The following STARD13 variants were observed in gnomAD, a reference collection of about 807,000 sequenced individuals.
The protein encoded by STARD13 is stAR-related lipid transfer protein 13.
A neutral mutation model predicts 106.4 loss-of-function variants in STARD13; 62 were observed. The observed-to-expected ratio is 0.58, with a 90% CI of 0.48 to 0.72. The LOEUF is 0.72. Among genes scored for constraint, STARD13 ranks in the 30% least tolerant of loss-of-function variants. The pLI, the probability that STARD13 is intolerant of heterozygous loss-of-function variation, is 0.00. For synonymous variants in STARD13, 565 were observed against 553.0 expected, an observed-to-expected ratio of 1.02 and a Z score of -0.31; for missense variants, 1,387 against 1,424.0, an observed-to-expected ratio of 0.97 and a Z score of 0.42.
the STARD13 span, among the ~76,000 whole-genome samples, chr13:33,593,548 T>C: frequency 9.3e-4 from 141 of 152,314 alleles, 1 homozygote; most frequent in East Asian, 9.6e-4. Flanking sequence ...CGAGACTCTC[T>C]TTTCTGGAAT....
At chr13:33,449,528 A>C in the STARD13 span, among the ~76,000 whole-genome samples, 36 of 152,146 alleles carry the variant, frequency 2.4e-4, no homozygotes, top group Middle Eastern at 6.3e-3. Flanking sequence ...TTTTGAAGTC[A>C]GGTAGTCTAA....
intron 1 of STARD13, among the ~76,000 whole-genome samples, chr13:33,195,161 A>C (rs1015596840): frequency 6.6e-6 from 1 of 152,246 alleles, no homozygotes; most frequent in Non-Finnish European, 1.5e-5. Context: ...ATCAATGACC[A>C]ACAATTAAAA....
At chr13:33,411,488 G>T in the STARD13 span, among the ~76,000 whole-genome samples, 1 of 151,986 alleles carries the variant, frequency 6.6e-6, no homozygotes, top group East Asian at 1.9e-4. Context: ...ATCCAGGCAG[G>T]CTGCTCTGTG....
At chr13:33,261,867 C>T (rs1890654826) in intron 1 of STARD13, among the ~76,000 whole-genome samples, 1 of 152,148 alleles carries the variant, frequency 6.6e-6, no homozygotes, top group Admixed American at 6.5e-5. Flanking sequence ...ACAGTTAAAA[C>T]ACTGTATGCA....
the STARD13 span, among the ~76,000 whole-genome samples, chr13:33,538,596 A>G: frequency 5.4e-3 from 819 of 152,144 alleles, 4 homozygotes; most frequent in Middle Eastern, 0.01. Flanking sequence ...AATCCTACAA[A>G]TACTTCCATA....
chr13:33,478,567 T>C, the STARD13 span, among the ~76,000 whole-genome samples: 2 of 152,154 alleles, frequency 1.3e-5, no homozygotes, highest in African/African-American at 2.4e-5. Context: ...ATGTGTCCAA[T>C]GTTATCTAAA....
intron 3 of STARD13, among the ~76,000 whole-genome samples, chr13:33,161,644 A>T (rs927472932): frequency 2.0e-5 from 3 of 152,204 alleles, no homozygotes; most frequent in African/African-American, 7.2e-5. Context: ...GGTGGTGGTT[A>T]TAACAACTTG....
At chr13:33,556,795 T>C in the STARD13 span, among the ~76,000 whole-genome samples, 1 of 152,106 alleles carries the variant, frequency 6.6e-6, no homozygotes, top group Non-Finnish European at 1.5e-5. Flanking sequence ...TGAGACAGGG[T>C]CTCACTGTGT....
intron 1 of STARD13, among the ~76,000 whole-genome samples, chr13:33,214,489 C>T (rs1299541825): frequency 1.3e-5 from 2 of 152,142 alleles, no homozygotes; most frequent in African/African-American, 2.4e-5. Flanking sequence ...GCAGCACTGG[C>T]CACAAAAGAT....
chr13:33,247,008 C>T (rs1889854645), intron 1 of STARD13, among the ~76,000 whole-genome samples: 1 of 151,944 alleles, frequency 6.6e-6, no homozygotes, highest in South Asian at 2.1e-4. Flanking sequence ...ACCAGCCTGG[C>T]CAACATGGTG....
the STARD13 span, among the ~76,000 whole-genome samples, chr13:33,475,693 C>T: frequency 6.6e-6 from 1 of 152,144 alleles, no homozygotes; most frequent in Non-Finnish European, 1.5e-5. Flanking sequence ...GTGTGGTGGT[C>T]ACGCCTGTAA....
In STARD13 at chr13:33,103,946, C is replaced by G. The variant is rs1873391022; in HGVS notation, c.*1647G>C. On this transcript the variant is annotated 3_prime_UTR_variant, in exon 14 of 14. Coordinates refer to ENST00000336934, the MANE Select transcript of STARD13 (RefSeq NM_178006.4). ...AGGTAGATATGGGAATGAAAAATTT[C>G]TAGGTCATAATTCAAACTGTAAGAT... 1 of 152,190 alleles carries G rather than the reference C, an allele frequency of 6.6e-6. No homozygotes were observed. The allele number at this position is 152,190 out of a possible 1,614,324, so 9.4% of individuals were successfully genotyped here.
chr13:33,539,716 A>C, the STARD13 span, among the ~76,000 whole-genome samples: 2 of 152,252 alleles, frequency 1.3e-5, no homozygotes, highest in Non-Finnish European at 2.9e-5. Flanking sequence ...ACTAAAAATT[A>C]AGTGGATCGT....
chr13:33,315,844 T>C lies in STARD13; in HGVS notation c.124+34446A>G, dbSNP rs78754454. Among the ~76,000 whole-genome samples, 720 of 152,238 alleles carry C rather than the reference T, an allele frequency of 4.7e-3. 6 individuals are homozygous for C. The highest frequency in any genetic ancestry group is 0.017 in the African/African-American group (686 of 41,544). On this transcript the variant is annotated intron_variant, in intron 1 of 5. Coordinates refer to the STARD13 transcript ENST00000567873. Reference sequence around the variant, plus strand: ...CAGTTGGAAATCCTACACAACATTTTTTTCATATGTAATCATGAGTTTTAT... The same window carrying C: ...CAGTTGGAAATCCTACACAACATTTCTTTCATATGTAATCATGAGTTTTAT...
intron 3 of STARD13, among the ~76,000 whole-genome samples, chr13:33,158,055 C>T (rs983881508): frequency 6.6e-6 from 1 of 152,142 alleles, no homozygotes; most frequent in Non-Finnish European, 1.5e-5. Context: ...CTTGCAGGGA[C>T]AAACATTTAT....
At chr13:33,368,191 C>T in the STARD13 span, among the ~76,000 whole-genome samples, 5 of 152,170 alleles carry the variant, frequency 3.3e-5, no homozygotes, top group Admixed American at 6.5e-5. Flanking sequence ...CAATGTGTCC[C>T]GAGCTAGGTC....
chr13:33,196,460 G>T (rs1384632941), intron 1 of STARD13, among the ~76,000 whole-genome samples: 3 of 152,138 alleles, frequency 2.0e-5, no homozygotes, highest in Admixed American at 2.0e-4. Context: ...GCAATATCAG[G>T]ATATGATAGG....
intron 3 of STARD13, among the ~76,000 whole-genome samples, chr13:33,148,413 C>A (rs780890473): frequency 2.4e-4 from 37 of 152,086 alleles, no homozygotes; most frequent in Non-Finnish European, 4.1e-4. Flanking sequence ...AAAAAGAGGG[C>A]AAAACATCTG....
intron 1 of STARD13, among the ~76,000 whole-genome samples, chr13:33,246,757 G>A (rs143109533): frequency 0.019 from 2,947 of 152,200 alleles, 43 homozygotes; most frequent in Non-Finnish European, 0.028. Context: ...AACACTATGC[G>A]GTGGGATTTC....
Sources: gnomAD v4.1 joint callset for allele counts (sites outside exome capture counted in the v4.1 genomes callset) on GRCh38, gnomAD v4.1.1 for gene constraint, MANE v1.5 for transcripts, NCBI Gene and HGNC (gene_info 2026-07-23, HGNC 2026-07-21) for gene names.